The following ACLY variants were observed in gnomAD, a reference collection of about 807,000 sequenced individuals.
ACLY encodes the protein ATP citrate lyase.
A neutral mutation model predicts 133.0 loss-of-function variants in ACLY; 41 were observed. That is an observed-to-expected ratio of 0.31 (90% CI 0.24 to 0.40). The LOEUF (loss-of-function observed/expected upper bound fraction) is 0.40, where lower values mean the gene tolerates loss of function less well. Among genes scored for constraint, ACLY ranks in the 10% least tolerant of loss-of-function variants. The probability of loss-of-function intolerance (pLI) is 1.00; values close to 1 mark genes in which losing one functional copy is unlikely to be tolerated. For synonymous variants in ACLY, 495 were observed against 549.3 expected (o/e 0.90, Z 1.38); for missense variants, 1,046 against 1,453.8 (o/e 0.72, Z 4.56).
chr17:41,922,650 T>C (rs1040955572), upstream of ACLY, among the ~76,000 whole-genome samples: 3 of 152,220 alleles, frequency 2.0e-5, no homozygotes, highest in Non-Finnish European at 4.4e-5. Context: ...ATGACGAAGA[T>C]AGGGATCTTT....
intron 25 of ACLY, 38 bp downstream of exon 25, chr17:41,871,651 G>A: frequency 6.2e-7 from 1 of 1,612,566 alleles, no homozygotes; most frequent in African/African-American, 1.3e-5. Context: ...CACCGCGCCT[G>A]GCCTCCATCC....
Position 41,876,588 on chromosome 17 carries a change from G to T in ACLY, c.2487+1515C>A, listed in dbSNP as rs368480219. ...TACTAAGAAAAATTCTTCTGCCTTG[G>T]GATCCTGTTGATCTGTGACCTTATC... is the stretch of plus-strand genomic sequence containing the variant. On this transcript the variant is annotated intron_variant, in intron 22 of 28. Transcript: ENST00000352035. 3.3e-5 allele frequency among the ~76,000 whole-genome samples: 5 copies of T among 152,316 alleles called. No individual in the cohort carries two copies. In the East Asian group the frequency reaches 9.6e-4, roughly 29 times the overall value.
chr17:41,906,712 A>AC, intron 7 of ACLY, 66 bp from the exon 8 acceptor site: 1 of 1,414,950 alleles, frequency 7.1e-7, no homozygotes, highest in African/African-American at 1.4e-5. Flanking sequence ...AGATCCTAGG[A>AC]CCCCTCCCCG....
At chr17:41,910,420 A>T (rs1191728723) in intron 3 of ACLY, 136 bp from the exon 4 acceptor site, 6 of 720,304 alleles carry the variant, frequency 8.3e-6, no homozygotes, top group Non-Finnish European at 1.4e-5. Flanking sequence ...TTCCAGAAAA[A>T]ATGGGGTCAC....
chr17:41,886,121 C>A lies in ACLY; in HGVS notation c.2063G>T (p.Gly688Val). 25 of 1,613,208 alleles carry A rather than the reference C, an allele frequency of 1.5e-5. No homozygotes were observed. The highest frequency in any genetic ancestry group is 2.0e-5 in the Non-Finnish European group (24 of 1,179,364). ...TDGVYEGVAI[G>V]GDRYPGSTFM... is the part of the protein sequence containing the mutation. ...CTTCCCAGCTGATTACCTGTCCCCA[C>A]CAATGGCCACGCCCTCATAGACGCC... Residue 688 changes from glycine to valine, a missense_variant, in exon 18 of 29, where the codon GGT (glycine) becomes GTT (valine). Around this residue, in one of 4 missense-constraint regions of ACLY, gnomAD observed 575 missense variants for 804.2 expected, o/e 0.71. Coordinates refer to ENST00000352035, the MANE Select transcript of ACLY (RefSeq NM_001096.3).
At chr17:41,897,633 C>T (rs566790264) in intron 13 of ACLY, 116 bp downstream of exon 13, 72 of 1,017,114 alleles carry the variant, frequency 7.1e-5, no homozygotes, top group Non-Finnish European at 9.3e-5. Flanking sequence ...ATTGCAAAAC[C>T]CAAACCGCTG....
intron 16 of ACLY, among the ~76,000 whole-genome samples, chr17:41,888,023 G>C (rs1290566166): frequency 6.6e-6 from 1 of 152,076 alleles, no homozygotes; most frequent in African/African-American, 2.4e-5. Flanking sequence ...AGCTACTAGG[G>C]AGGCTGAGGC....
At chr17:41,902,245 G>A (rs187741238) in intron 10 of ACLY, among the ~76,000 whole-genome samples, 2 of 152,136 alleles carry the variant, frequency 1.3e-5, no homozygotes, top group African/African-American at 2.4e-5. Context: ...ACAAATTCTC[G>A]CTCTGTCACC....
intron 14 of ACLY, among the ~76,000 whole-genome samples, chr17:41,893,952 G>T (rs543542319): frequency 6.6e-6 from 1 of 152,278 alleles, no homozygotes; most frequent in African/African-American, 2.4e-5. Context: ...GGTGGCTCAC[G>T]CCTGTAATCC....
In ACLY at chr17:41,867,137, G is replaced by A. The variant is rs997245192; in HGVS notation, c.*673C>T. On this transcript the variant is annotated 3_prime_UTR_variant, in exon 29 of 29. Coordinates refer to ENST00000352035, the MANE Select transcript of ACLY (RefSeq NM_001096.3). The stretch of plus-strand genomic sequence containing the variant: ...AGCTTTCTGCATTTCCATTTTAAAT[G>A]TATGTATGTTACAACTTTACATATT... The A allele has an allele frequency of 3.9e-5, 6 of 152,580 alleles. No homozygotes were observed. Among genetic ancestry groups the A allele is most frequent in the Non-Finnish European group, 7.3e-5 (5 of 68,038 alleles). 9.5% of individuals were successfully genotyped at this position (152,580 alleles called of 1,614,324 possible).
Position 41,885,313 on chromosome 17 carries a change from A to AGACCTTGGT in ACLY, c.2072+790_2072+798dup, listed in dbSNP as rs782038769. Reference sequence around the variant, plus strand: ...GGGGATTCCCAGGCTACACCCCTAAAGACCTTGGTGAGAGTTCTTCCTCAC... The same window carrying AGACCTTGGT: ...GGGGATTCCCAGGCTACACCCCTAAAGACCTTGGTGACCTTGGTGAGAGTTCTTCCTCAC... On this transcript the variant is annotated intron_variant, in intron 18 of 28. Transcript: ENST00000352035. Among the ~76,000 whole-genome samples the AGACCTTGGT allele has an allele frequency of 2.2e-4, 33 of 152,126 alleles. 1 individual carries two copies. The highest frequency in any genetic ancestry group is 1.5e-3 in the Admixed American group (23 of 15,260).
chr17:41,918,504 G>C (rs1270450453), intron 1 of ACLY, among the ~76,000 whole-genome samples: 1 of 152,234 alleles, frequency 6.6e-6, no homozygotes, highest in Admixed American at 6.5e-5. Flanking sequence ...GGGGGAACCC[G>C]GATGGAGCCA....
At chr17:41,902,123 G>A (rs529619370) in intron 10 of ACLY, among the ~76,000 whole-genome samples, 1 of 152,254 alleles carries the variant, frequency 6.6e-6, no homozygotes, top group South Asian at 2.1e-4. Context: ...TTTGTTTTTG[G>A]TGGGGATATC....
At chr17:41,924,477 T>A (rs1299030303) in intron 1 of ACLY, among the ~76,000 whole-genome samples, 1 of 152,138 alleles carries the variant, frequency 6.6e-6, no homozygotes, top group African/African-American at 2.4e-5. Context: ...TTTCTGTTTA[T>A]GTAGAGTATC....
chr17:41,908,934 G>T, intron 6 of ACLY, 55 bp downstream of exon 6: 1 of 1,405,642 alleles, frequency 7.1e-7, no homozygotes, highest in Non-Finnish European at 1.0e-6. Flanking sequence ...CCAAGGCCAG[G>T]GCTGTCATAG....
At chr17:41,927,598 G>C (rs1296280750) in intron 1 of ACLY, among the ~76,000 whole-genome samples, 1 of 152,290 alleles carries the variant, frequency 6.6e-6, no homozygotes, top group East Asian at 1.9e-4. Context: ...GGCTAAGGTG[G>C]GTGGATTACC....
Position 41,873,897 on chromosome 17 carries a change from G to A in ACLY, c.2556C>T (p.Leu852=), listed in dbSNP as rs782813132. The change falls in exon 23 of 29, where the codon CTC becomes CTT. Residue 852 remains leucine, a synonymous_variant. Coordinates refer to ENST00000352035, the MANE Select transcript of ACLY (RefSeq NM_001096.3). ...TSICDERGQE[L]IYAGMPITEV... ...CAGTGATGGGCATGCCCGCGTAGAT[G>A]AGCTCCTGTCCTCGCTCATCGCAGA... The A allele has an allele frequency of 1.5e-5, 24 of 1,611,216 alleles. No individual in the cohort carries two copies. In the South Asian group the frequency reaches 2.5e-4, roughly 17 times the overall value.
At chr17:41,910,686 T>C (rs1195611267) in intron 3 of ACLY, among the ~76,000 whole-genome samples, 1 of 152,188 alleles carries the variant, frequency 6.6e-6, no homozygotes, top group Non-Finnish European at 1.5e-5. Context: ...CCTCAGGACA[T>C]GGGTCCGGGC....
chr17:41,910,846 G>T (rs985436820), intron 3 of ACLY, among the ~76,000 whole-genome samples: 1 of 152,172 alleles, frequency 6.6e-6, no homozygotes, highest in African/African-American at 2.4e-5. Flanking sequence ...CCTCATCCTA[G>T]TAAGTCCCAA....
Sources: allele counts gnomAD v4.1 joint callset (sites outside exome capture counted in the v4.1 genomes callset), GRCh38; gene constraint gnomAD v4.1.1; regional missense constraint gnomAD v4.1.1; transcripts MANE v1.5; gene names NCBI Gene and HGNC (gene_info 2026-07-23, HGNC 2026-07-21).